The following CHL1 variants were observed in gnomAD, a reference collection of about 807,000 sequenced individuals.
CHL1 encodes the protein cell adhesion molecule L1 like, also known as neural cell adhesion molecule L1-like protein.
CHL1 carries 96 observed loss-of-function variants against 141.9 expected under a neutral mutation model. That is an observed-to-expected ratio of 0.68 (90% confidence interval 0.57 to 0.80). CHL1 has a LOEUF of 0.80. CHL1 is among the 30% of genes least tolerant of loss of function. CHL1 has a pLI of 0.00. For missense variants in CHL1, 1,820 were observed against 1,457.2 expected, an observed-to-expected ratio of 1.25 and a Z score of -4.05; for synonymous variants, 613 against 502.2, an observed-to-expected ratio of 1.22 and a Z score of -2.95.
chr3:363,544 C>A, intron 14 of CHL1, 161 bp downstream of exon 14: 1 of 627,128 alleles, frequency 1.6e-6, no homozygotes, highest in Non-Finnish European at 2.7e-6. Context: ...AAGATTATTG[C>A]AAGAACTACA....
At chr3:229,894 ATT>A (rs2125033779) in intron 1 of CHL1, among the ~76,000 whole-genome samples, 1 of 152,202 alleles carries the variant, frequency 6.6e-6, no homozygotes, top group East Asian at 1.9e-4. Flanking sequence ...ACGAGATAAA[ATT>A]TCTCTCCCTC....
chr3:260,035 C>A (rs1694556750), intron 2 of CHL1, among the ~76,000 whole-genome samples: 1 of 152,156 alleles, frequency 6.6e-6, no homozygotes, highest in Non-Finnish European at 1.5e-5. Flanking sequence ...GAGGCCGAGG[C>A]AGGCCTATCA....
chr3:378,403 G>T (rs1045289338), intron 16 of CHL1, among the ~76,000 whole-genome samples: 34 of 152,174 alleles, frequency 2.2e-4, no homozygotes, highest in Admixed American at 1.3e-4. Flanking sequence ...GGAACTTCCA[G>T]CATTCTACAA....
chr3:261,296 G>A (rs946839764), intron 2 of CHL1, among the ~76,000 whole-genome samples: 1 of 151,286 alleles, frequency 6.6e-6, no homozygotes, highest in Admixed American at 6.6e-5. Flanking sequence ...GAAGGAAGAA[G>A]AGCAAAATAG....
intron 2 of CHL1, among the ~76,000 whole-genome samples, chr3:283,022 G>T (rs1274977159): frequency 6.6e-6 from 1 of 152,112 alleles, no homozygotes; most frequent in Non-Finnish European, 1.5e-5. Context: ...TGCTCTGATT[G>T]TTTCCTTGTA....
At chr3:326,111 T>C (rs757580246) in intron 4 of CHL1, 47 bp downstream of exon 4, 47 of 1,124,820 alleles carry the variant, frequency 4.2e-5, no homozygotes, top group Admixed American at 7.1e-5. Context: ...CGTGCTGTTC[T>C]TTATGCTGCT....
At chr3:341,878 T>C (rs1033759006) in intron 6 of CHL1, 34 bp from the exon 7 acceptor site, 2 of 1,526,706 alleles carry the variant, frequency 1.3e-6, no homozygotes. Context: ...TAAGGGACAA[T>C]TGCCCTTTTC....
chr3:378,191 T>C (rs1706580080), intron 16 of CHL1, among the ~76,000 whole-genome samples: 1 of 152,206 alleles, frequency 6.6e-6, no homozygotes, highest in South Asian at 2.1e-4. Flanking sequence ...TAAGTGATGC[T>C]ATCCGCAGAA....
At chr3:323,561 C>A (rs1162035918) in intron 3 of CHL1, among the ~76,000 whole-genome samples, 6 of 152,100 alleles carry the variant, frequency 3.9e-5, no homozygotes, top group Non-Finnish European at 8.8e-5. Flanking sequence ...TAAAAAACTA[C>A]ACTTGTATCT....
chr3:245,774 A>T (rs1354358623), intron 2 of CHL1, among the ~76,000 whole-genome samples: 1 of 152,048 alleles, frequency 6.6e-6, no homozygotes, highest in African/African-American at 2.4e-5. Context: ...GTTCCTGGTA[A>T]CCCCCAGCGG....
intron 2 of CHL1, among the ~76,000 whole-genome samples, chr3:291,607 A>G (rs1697702042): frequency 6.6e-6 from 1 of 152,162 alleles, no homozygotes; most frequent in Non-Finnish European, 1.5e-5. Context: ...TAAGCAGGCA[A>G]GTAATAAATT....
Position 344,652 on chromosome 3 carries a change from C to G in CHL1, c.791C>G (p.Ser264Cys), listed in dbSNP as rs748016494. 2 of 1,613,598 alleles carry G rather than the reference C, an allele frequency of 1.2e-6. No homozygotes were observed. Among genetic ancestry groups the G allele is most frequent in the South Asian group, 2.2e-5 (2 of 91,042 alleles). The change falls in exon 9 of 28, where the codon TCT becomes TGT. Residue 264 changes from serine (S) to cysteine (C), a missense_variant. Coordinates refer to ENST00000256509, the MANE Select transcript of CHL1 (RefSeq NM_006614.4). ...CCTCCCACTGAGAGTGGCAGTGAGT[C>G]TTCAATTACCATCCTCAAAGGGGAA... is the stretch of plus-strand genomic sequence containing the variant. ...LLPPTESGSE[S>C]SITILKGEIL...
intron 5 of CHL1, 72 bp downstream of exon 5, chr3:328,426 C>A: frequency 3.2e-6 from 4 of 1,250,328 alleles, no homozygotes; most frequent in Non-Finnish European, 4.4e-6. Flanking sequence ...AGATTGGGTT[C>A]CAATGAAATA....
At chr3:368,856 T>A (rs1022678642) in intron 15 of CHL1, among the ~76,000 whole-genome samples, 2 of 152,214 alleles carry the variant, frequency 1.3e-5, no homozygotes, top group Non-Finnish European at 2.9e-5. Context: ...AGGAGATCCT[T>A]TCCCCAGCGC....
At chr3:353,064 C>G (rs1311423517) in intron 10 of CHL1, among the ~76,000 whole-genome samples, 2 of 152,132 alleles carry the variant, frequency 1.3e-5, no homozygotes, top group Non-Finnish European at 2.9e-5. Context: ...AAGCTCAGCC[C>G]TCTGTCTGTA....
chr3:288,114 G>C (rs1488619709), intron 2 of CHL1, among the ~76,000 whole-genome samples: 1 of 152,088 alleles, frequency 6.6e-6, no homozygotes, highest in Non-Finnish European at 1.5e-5. Context: ...GATTCTGATT[G>C]AAATATGTTC....
intron 24 of CHL1, among the ~76,000 whole-genome samples, chr3:396,591 G>T (rs1000096669): frequency 6.6e-6 from 1 of 152,110 alleles, no homozygotes; most frequent in Non-Finnish European, 1.5e-5. Context: ...AGGTGATGTG[G>T]CATCTTTTCT....
chr3:222,028 G>C (rs1352689632), intron 1 of CHL1, among the ~76,000 whole-genome samples: 1 of 152,112 alleles, frequency 6.6e-6, no homozygotes, highest in African/African-American at 2.4e-5. Flanking sequence ...CATATATTTT[G>C]TATGAACTAA....
chr3:350,934 T>C lies in CHL1; in HGVS notation c.1033+1391T>C, dbSNP rs2125205635. Among the ~76,000 whole-genome samples the C allele has an allele frequency of 2.0e-5, 3 of 152,348 alleles. No individual in the cohort carries two copies. The Middle Eastern group carries it at 0.01, about 518-fold the overall frequency. ...ATGTATATTTTTAGTCATCATTTGA[T>C]GTTTCTATATAATTTGGCTACATCG... On this transcript the variant is annotated intron_variant, in intron 10 of 27. Transcript: ENST00000256509.
Sources: gnomAD v4.1 joint callset for allele counts (sites outside exome capture counted in the v4.1 genomes callset) on GRCh38, gnomAD v4.1.1 for gene constraint, MANE v1.5 for transcripts, NCBI Gene and HGNC (gene_info 2026-07-23, HGNC 2026-07-21) for gene names.